Variants in ZFAT observed in about 807,000 individuals in gnomAD.
ZFAT encodes zinc finger and AT-hook domain containing, also known as zinc finger protein ZFAT.
In ZFAT, 64 loss-of-function variants were observed where a neutral mutation model predicts 117.7. The ratio of observed to expected loss-of-function variants is 0.54; its 90% CI spans 0.44 to 0.67. The LOEUF is 0.67. Among genes scored for constraint, ZFAT ranks in the 30% least tolerant of loss-of-function variants. ZFAT has a pLI of 0.00. For synonymous variants in ZFAT, 679 were observed against 615.0 expected, an observed-to-expected ratio of 1.10 and a Z score of -1.54; for missense variants, 1,433 against 1,584.5, an observed-to-expected ratio of 0.90 and a Z score of 1.62.
the ZFAT span, among the ~76,000 whole-genome samples, chr8:134,741,418 A>T: frequency 6.6e-6 from 1 of 152,158 alleles, no homozygotes; most frequent in Non-Finnish European, 1.5e-5. Context: ...TTGGGTTCTT[A>T]CTGGGTACGA....
intron 11 of ZFAT, among the ~76,000 whole-genome samples, chr8:134,546,548 C>A (rs931421934): frequency 6.6e-6 from 1 of 152,174 alleles, no homozygotes; most frequent in African/African-American, 2.4e-5. Flanking sequence ...ACTTAGAAAG[C>A]AATTTCATCT....
upstream of ZFAT, among the ~76,000 whole-genome samples, chr8:134,714,119 C>G (rs1354450152): frequency 2.8e-5 from 3 of 107,938 alleles, no homozygotes; most frequent in Non-Finnish European, 3.9e-5. Context: ...CCCCCCCCCC[C>G]CAAAAAAAAA....
At chr8:134,582,686 C>T (rs1825790225) in intron 10 of ZFAT, among the ~76,000 whole-genome samples, 1 of 152,008 alleles carries the variant, frequency 6.6e-6, no homozygotes, top group Non-Finnish European at 1.5e-5. Flanking sequence ...ATCTTTAATT[C>T]TGATGAATCC....
Position 134,558,853 on chromosome 8 carries a change from A to T in ZFAT, c.2976+6480T>A, listed in dbSNP as rs559779467. On this transcript the variant is annotated intron_variant, in intron 11 of 15. Coordinates refer to ENST00000377838, the MANE Select transcript of ZFAT (RefSeq NM_020863.4). ...ACTATCAGCATTTTACAGATCATAA[A>T]ATTTGTTAAATAACACAGCCTATAA... Among the ~76,000 whole-genome samples, 102 of 152,336 alleles carry T rather than the reference A, an allele frequency of 6.7e-4. 1 individual carries two copies. The South Asian group carries it at 8.3e-3, about 12-fold the overall frequency.
At chr8:134,650,316 C>G (rs147193172) in intron 2 of ZFAT, among the ~76,000 whole-genome samples, 1 of 151,656 alleles carries the variant, frequency 6.6e-6, no homozygotes, top group South Asian at 2.1e-4. Context: ...TTAGTAGAGA[C>G]GGGGTGTCAC....
chr8:134,550,325 A>AAAAAAAAAACAAC (rs1554643709), intron 11 of ZFAT, among the ~76,000 whole-genome samples: 2 of 150,630 alleles, frequency 1.3e-5, no homozygotes, highest in African/African-American at 4.9e-5. Flanking sequence ...AAAAAAAAAA[A>AAAAAAAAAACAAC]AAAAAAACAG....
At position 134,610,587 on chromosome 8, in the gene ZFAT, G is replaced by C. The variant is rs199920798; in HGVS notation, c.517C>G (p.Pro173Ala). 1.2e-4 allele frequency: 189 copies of C among 1,614,034 alleles called. No individual in the cohort carries two copies. Among genetic ancestry groups the C allele is most frequent in the Non-Finnish European group, 6.3e-5 (74 of 1,180,044 alleles). ...ACTTTCTCTGTTTTCTGTGACCGTG[G>C]TCTTTTCGAGGCTTTTTCCCGATCA... ...EDDREKASKRPRSQKTEKVQK... is the reference protein window; with the variant it reads ...EDDREKASKRARSQKTEKVQK... The change falls in exon 4 of 16, where the codon CCA (proline) becomes GCA (alanine). Residue 173 changes from proline (P) to alanine (A), a missense_variant. This residue lies in a region of ZFAT where 436 missense variants were observed against 482.0 expected (regional missense o/e 0.90). Coordinates refer to ENST00000377838, the MANE Select transcript of ZFAT (RefSeq NM_020863.4).
chr8:134,634,648 T>A (rs556562985), intron 3 of ZFAT, among the ~76,000 whole-genome samples: 3 of 152,028 alleles, frequency 2.0e-5, no homozygotes, highest in South Asian at 2.1e-4. Flanking sequence ...CAGTGAAAAA[T>A]TGATAAAAAC....
chr8:134,708,607 A>T (rs1469450934), intron 1 of ZFAT, among the ~76,000 whole-genome samples: 1 of 151,968 alleles, frequency 6.6e-6, no homozygotes. Context: ...AATCTGTAAG[A>T]TGTTTAAAAT....
chr8:134,524,160 C>T (rs1820858340), intron 12 of ZFAT, among the ~76,000 whole-genome samples: 2 of 152,162 alleles, frequency 1.3e-5, no homozygotes, highest in African/African-American at 2.4e-5. Context: ...GACTTCTGCA[C>T]CTCCCCTCTG....
chr8:134,653,155 G>GTT lies in ZFAT; in HGVS notation c.196+4404_196+4405dup, dbSNP rs139144295. ...AAGAGAAGGTCGGGTTTTTGGTGGG[G>GTT]TTTTTTTTTTCATTATTATTATTAT... On this transcript the variant is annotated intron_variant, in intron 2 of 15. Transcript: ENST00000377838. Among the ~76,000 whole-genome samples the GTT allele has an allele frequency of 6.9e-3, 999 of 144,526 alleles. 9 individuals carry two copies. The highest frequency in any genetic ancestry group is 0.023 in the African/African-American group (925 of 39,568). The allele number at this position is 144,526 out of a possible 152,430, so 94.8% of individuals were successfully genotyped here.
intron 15 of ZFAT, among the ~76,000 whole-genome samples, chr8:134,482,967 C>T (rs1378792633): frequency 6.6e-6 from 1 of 152,176 alleles, no homozygotes; most frequent in Admixed American, 6.5e-5. Flanking sequence ...CCTGCAGACG[C>T]TGCCCACACA....
chr8:134,819,299 T>C, the ZFAT span, among the ~76,000 whole-genome samples: 1 of 152,022 alleles, frequency 6.6e-6, no homozygotes, highest in Non-Finnish European at 1.5e-5. Flanking sequence ...AAGAATGATC[T>C]TTTAATCTGT....
intron 3 of ZFAT, among the ~76,000 whole-genome samples, chr8:134,622,598 G>C (rs80299827): frequency 0.097 from 14,683 of 152,058 alleles, 1,016 homozygotes; most frequent in East Asian, 0.35. Context: ...GTCCCCTGAA[G>C]TTCTGGTGAG....
chr8:134,618,097 A>G (rs1233743659), intron 3 of ZFAT, among the ~76,000 whole-genome samples: 4 of 152,202 alleles, frequency 2.6e-5, no homozygotes, highest in African/African-American at 9.7e-5. Flanking sequence ...AGGCCTCCCC[A>G]GCCAAGTGGA....
the ZFAT span, among the ~76,000 whole-genome samples, chr8:134,753,084 C>G: frequency 6.6e-6 from 1 of 152,124 alleles, no homozygotes; most frequent in Admixed American, 6.5e-5. Context: ...AAAAAACTAC[C>G]TATTTTTTCA....
In ZFAT at chr8:134,478,843, G is replaced by C; in HGVS notation, c.3493-122C>G. ...CTGCGGGAGCACGTCCATTCTCCAC[G>C]GATCCTCTCTACCAGGCTGTGCTTG... On this transcript the variant is annotated intron_variant, in intron 15 of 15. Coordinates refer to ENST00000377838, the MANE Select transcript of ZFAT (RefSeq NM_020863.4). The surrounding 1 kb of genome is among the most constrained non-coding windows in gnomAD (Gnocchi z 5.2). The C allele has an allele frequency of 1.4e-6, 2 of 1,386,652 alleles. No homozygotes were observed. The highest frequency in any genetic ancestry group is 2.2e-5 in the Admixed American group (1 of 45,844). 85.9% of individuals were successfully genotyped at this position (1,386,652 alleles called of 1,614,324 possible).
chr8:134,511,041 C>G (rs991332577), intron 14 of ZFAT: 4 of 152,366 alleles, frequency 2.6e-5, no homozygotes, highest in African/African-American at 7.2e-5. Flanking sequence ...CCAGGGAGCA[C>G]TGGAGCGTGT....
the ZFAT span, among the ~76,000 whole-genome samples, chr8:134,754,987 C>T: frequency 6.6e-6 from 1 of 152,178 alleles, no homozygotes; most frequent in African/African-American, 2.4e-5. Flanking sequence ...AATCGCAGAA[C>T]CAAGTTATTC....
Sources: gnomAD v4.1 joint callset for allele counts (sites outside exome capture counted in the v4.1 genomes callset) on GRCh38, gnomAD v4.1.1 for gene constraint, gnomAD v4.1.1 regional missense constraint, Gnocchi (gnomAD v3.1) non-coding constraint, MANE v1.5 for transcripts, NCBI Gene and HGNC (gene_info 2026-07-23, HGNC 2026-07-21) for gene names.